NF1: variants seen among roughly 807,000 people sequenced by gnomAD.
The protein encoded by NF1 is neurofibromin 1, also known as neurofibromin.
In NF1, 122 loss-of-function variants were observed where a neutral mutation model predicts 325.7. The observed-to-expected ratio is 0.37, with a 90% CI of 0.32 to 0.44. NF1 has a LOEUF of 0.44. Among genes scored for constraint, NF1 ranks in the 20% least tolerant of loss-of-function variants. The pLI is 1.00. For synonymous variants in NF1, 1,091 were observed against 1,186.0 expected, an observed-to-expected ratio of 0.92 and a Z score of 1.65; for missense variants, 2,140 against 3,415.4, an observed-to-expected ratio of 0.63 and a Z score of 9.31.
At chr17:31,366,993 C>T (rs942964558) in intron 57 of NF1, among the ~76,000 whole-genome samples, 5 of 151,888 alleles carry the variant, frequency 3.3e-5, no homozygotes, top group Admixed American at 2.6e-4. Context: ...AACTAAAATT[C>T]TTAATTTTAA....
At chr17:31,345,485 T>C in intron 48 of NF1, 3 of 1,481,904 alleles carry the variant, frequency 2.0e-6, no homozygotes, top group Non-Finnish European at 2.7e-6. Context: ...CGGTCGGGGC[T>C]GCGCGTTTGA....
chr17:31,160,577 G>A (rs563290001), intron 3 of NF1, among the ~76,000 whole-genome samples: 1 of 152,278 alleles, frequency 6.6e-6, no homozygotes, highest in African/African-American at 2.4e-5. Flanking sequence ...CTGTTACATA[G>A]GATGATGGAA....
chr17:31,161,836 G>C (rs2065765945), intron 3 of NF1, among the ~76,000 whole-genome samples: 1 of 151,892 alleles, frequency 6.6e-6, no homozygotes, highest in Non-Finnish European at 1.5e-5. Flanking sequence ...AGGAATCCAA[G>C]ACCAGCCTGG....
chr17:31,296,238 A>G (rs1426667621), intron 36 of NF1: 4 of 1,614,042 alleles, frequency 2.5e-6, no homozygotes, highest in African/African-American at 2.7e-5. Context: ...CTCTCTGTGC[A>G]TATACATTGG....
In NF1 at chr17:31,187,323, C is replaced by T. The variant is rs11649728; in HGVS notation, c.888+4658C>T. Among the ~76,000 whole-genome samples the T allele has an allele frequency of 5.5e-3, 842 of 152,206 alleles. 7 individuals are homozygous for T. Among genetic ancestry groups the T allele is most frequent in the Non-Finnish European group, 9.4e-3 (637 of 68,014 alleles). On this transcript the variant is annotated intron_variant, in intron 8 of 57. Transcript: ENST00000358273. ...AAGCGATTCTCCTGCCTCAGCCTTC[C>T]GAGTACCTGGGACTATAGGTGTGCG...
At chr17:31,114,529 CTG>C (rs1156909487) in intron 1 of NF1, among the ~76,000 whole-genome samples, 3 of 148,360 alleles carry the variant, frequency 2.0e-5, no homozygotes, top group African/African-American at 7.6e-5. Context: ...CAGAGTGAGA[CTG>C]TCTCACAAAA....
intron 27 of NF1, among the ~76,000 whole-genome samples, chr17:31,233,871 A>G (rs1403317219): frequency 6.6e-6 from 1 of 152,196 alleles, no homozygotes; most frequent in Non-Finnish European, 1.5e-5. Flanking sequence ...ACAAGCCTGT[A>G]TTTGTTATAC....
chr17:31,343,956 T>C (rs754928456), intron 48 of NF1, among the ~76,000 whole-genome samples: 6 of 126,404 alleles, frequency 4.7e-5, no homozygotes, highest in Non-Finnish European at 6.9e-5. Flanking sequence ...ACCCTGCCTT[T>C]AAAAAAAAAA....
At chr17:31,255,179 A>T (rs1170619780) in intron 31 of NF1, among the ~76,000 whole-genome samples, 3 of 152,196 alleles carry the variant, frequency 2.0e-5, no homozygotes. Context: ...TATGGGTAGT[A>T]ATGCTCTTGC....
At chr17:31,266,361 C>T (rs1212945876) in intron 36 of NF1, among the ~76,000 whole-genome samples, 1 of 152,060 alleles carries the variant, frequency 6.6e-6, no homozygotes, top group African/African-American at 2.4e-5. Context: ...AGCCTTAAGA[C>T]CAAGAAGTCC....
intron 35 of NF1, among the ~76,000 whole-genome samples, chr17:31,263,727 G>T (rs2067734827): frequency 6.6e-6 from 1 of 150,932 alleles, no homozygotes; most frequent in African/African-American, 2.4e-5. Flanking sequence ...TCTTATTTTT[G>T]TTCTAAATTC....
At chr17:31,231,070 T>A in intron 24 of NF1, 145 bp downstream of exon 24, 1 of 661,698 alleles carries the variant, frequency 1.5e-6, no homozygotes, top group Non-Finnish European at 2.7e-6. Flanking sequence ...AAGATGCTAA[T>A]CTTTATTACT....
chr17:31,175,807 A>T (rs2066012356), intron 5 of NF1, among the ~76,000 whole-genome samples: 1 of 152,158 alleles, frequency 6.6e-6, no homozygotes, highest in Non-Finnish European at 1.5e-5. Flanking sequence ...TTTGCTGAAA[A>T]TGATGGTTTC....
At position 31,227,233 on chromosome 17, in the gene NF1, A is replaced by G. The variant is rs1222770265; in HGVS notation, c.2267A>G (p.Gln756Arg). 2 of 1,613,724 alleles carry G rather than the reference A, an allele frequency of 1.2e-6. No homozygotes were observed. ...NMMSTGRAAL[Q>R]KRVMALLRRI... Reference sequence around the variant, plus strand: ...ATTTGCTTAGGAAGAGCAGCACTTCAGAAAAGAGTGATGGCACTGCTGAGG... The same window carrying G: ...ATTTGCTTAGGAAGAGCAGCACTTCGGAAAAGAGTGATGGCACTGCTGAGG... The change falls in exon 19 of 58, where the codon CAG becomes CGG. Residue 756 changes from glutamine to arginine, a missense_variant. By Grantham distance (43) the Gln-to-Arg change is conservative. Transcript: ENST00000358273.
intron 12 of NF1, among the ~76,000 whole-genome samples, chr17:31,207,029 A>AT (rs1229236414): frequency 1.3e-5 from 2 of 151,418 alleles, no homozygotes; most frequent in African/African-American, 2.5e-5. Flanking sequence ...TGTGGAAGTC[A>AT]TTTTTTTGGT....
chr17:31,117,541 C>T (rs528482917), intron 1 of NF1, among the ~76,000 whole-genome samples: 53 of 150,608 alleles, frequency 3.5e-4, no homozygotes, highest in African/African-American at 1.3e-3. Flanking sequence ...GGCGTGGTGG[C>T]GGGCTCCTGT....
intron 48 of NF1, among the ~76,000 whole-genome samples, chr17:31,343,919 G>A (rs1267578630): frequency 6.7e-6 from 1 of 150,202 alleles, no homozygotes; most frequent in African/African-American, 2.5e-5. Context: ...TCGTGCCACT[G>A]CACTCCAGCC....
intron 8 of NF1, among the ~76,000 whole-genome samples, chr17:31,189,302 C>G (rs527766442): frequency 6.8e-6 from 1 of 147,724 alleles, no homozygotes; most frequent in East Asian, 2.0e-4. Context: ...TGCATGTAGT[C>G]ACCTCAGCCT....
At chr17:31,200,948 G>A (rs754695712) in intron 9 of NF1, 89 bp from the exon 10 acceptor site, 54 of 1,568,278 alleles carry the variant, frequency 3.4e-5, no homozygotes, top group Non-Finnish European at 4.7e-5. Context: ...TGCCATTTGT[G>A]TGGGTAATGT....
Sources: allele counts gnomAD v4.1 joint callset (sites outside exome capture counted in the v4.1 genomes callset), GRCh38; gene constraint gnomAD v4.1.1; transcripts MANE v1.5; gene names NCBI Gene and HGNC (gene_info 2026-07-23, HGNC 2026-07-21).